Variants in FAM13A observed in about 807,000 individuals in gnomAD.
FAM13A encodes the protein protein FAM13A.
In FAM13A, 76 loss-of-function variants were observed where a neutral mutation model predicts 129.6. That is an observed-to-expected ratio of 0.59 (90% CI 0.49 to 0.71). The LOEUF (loss-of-function observed/expected upper bound fraction) is 0.71, where lower values mean the gene tolerates loss of function less well. FAM13A is among the 30% of genes least tolerant of loss of function. FAM13A has a pLI of 0.00. For missense variants in FAM13A, 1,108 were observed against 1,249.3 expected, an observed-to-expected ratio of 0.89 and a Z score of 1.70; for synonymous variants, 443 against 449.9, an observed-to-expected ratio of 0.98 and a Z score of 0.20.
At chr4:88,801,497 T>C (rs2149725699) in intron 8 of FAM13A, among the ~76,000 whole-genome samples, 2 of 152,262 alleles carry the variant, frequency 1.3e-5, no homozygotes, top group African/African-American at 4.8e-5. Flanking sequence ...TTTTAAAAGA[T>C]GGTCAATTCC....
At chr4:89,036,912 T>G (rs1769460082) in intron 1 of FAM13A, among the ~76,000 whole-genome samples, 1 of 152,216 alleles carries the variant, frequency 6.6e-6, no homozygotes, top group Admixed American at 6.5e-5. Context: ...AGGGCAAAAG[T>G]TGAGGCTTAG....
intron 11 of FAM13A, among the ~76,000 whole-genome samples, chr4:88,768,579 T>C (rs1298061850): frequency 6.6e-6 from 1 of 152,140 alleles, no homozygotes; most frequent in Non-Finnish European, 1.5e-5. Flanking sequence ...TATATGTATA[T>C]ACATATATAT....
intron 2 of FAM13A, among the ~76,000 whole-genome samples, chr4:89,022,561 G>A (rs905010023): frequency 1.3e-5 from 2 of 152,158 alleles, no homozygotes; most frequent in African/African-American, 2.4e-5. Context: ...TGGTCTGTGT[G>A]GCAGACAGCT....
chr4:88,733,468 C>G (rs1738310429), intron 21 of FAM13A, among the ~76,000 whole-genome samples: 1 of 151,356 alleles, frequency 6.6e-6, no homozygotes, highest in Admixed American at 6.6e-5. Context: ...GAATACGTTT[C>G]TTTTTGTTTT....
chr4:89,044,644 C>T lies in FAM13A; in HGVS notation c.27+12294G>A, dbSNP rs142268806. Among the ~76,000 whole-genome samples the T allele has an allele frequency of 2.0e-3, 309 of 152,096 alleles. 1 individual carries two copies. Among genetic ancestry groups the T allele is most frequent in the African/African-American group, 6.8e-3 (282 of 41,498 alleles). The stretch of plus-strand genomic sequence containing the variant: ...ACGATGTTCATAGCAGCATTATTCA[C>T]GACAGCCAAAAAGTAGAAACAATCT... On this transcript the variant is annotated intron_variant, in intron 1 of 23. Transcript: ENST00000264344.
At chr4:88,895,997 A>G (rs1475873511) in intron 6 of FAM13A, among the ~76,000 whole-genome samples, 255 of 148,018 alleles carry the variant, frequency 1.7e-3, no homozygotes, top group Middle Eastern at 0.01. Flanking sequence ...ACTATTCACA[A>G]TAGCAAAGAC....
At chr4:89,019,265 G>C (rs1302164207) in intron 3 of FAM13A, among the ~76,000 whole-genome samples, 1 of 152,134 alleles carries the variant, frequency 6.6e-6, no homozygotes, top group African/African-American at 2.4e-5. Context: ...CATGTGAATA[G>C]GTACACCACT....
chr4:88,779,059 C>T (rs1174295181), intron 11 of FAM13A, among the ~76,000 whole-genome samples: 1 of 151,978 alleles, frequency 6.6e-6, no homozygotes, highest in Non-Finnish European at 1.5e-5. Flanking sequence ...TTTTTTCTTT[C>T]TAGTTGTTAT....
intron 2 of FAM13A, among the ~76,000 whole-genome samples, chr4:89,026,018 AG>A (rs1368763720): frequency 8.5e-5 from 13 of 152,252 alleles, no homozygotes; most frequent in African/African-American, 2.9e-4. Context: ...ACACAATAAA[AG>A]TATGATCAAG....
At chr4:89,041,274 G>C (rs1770082604) in intron 1 of FAM13A, among the ~76,000 whole-genome samples, 1 of 152,148 alleles carries the variant, frequency 6.6e-6, no homozygotes, top group Admixed American at 6.5e-5. Context: ...AAATACTTGA[G>C]GTGATCAAGT....
At chr4:88,770,565 AAAAAGAAAT>A (rs1720467694) in intron 11 of FAM13A, among the ~76,000 whole-genome samples, 1 of 97,220 alleles carries the variant, frequency 1.0e-5, no homozygotes, top group African/African-American at 2.7e-5. Context: ...GCTTAAAAGA[AAAAAGAAAT>A]AAAATAAAAA....
At chr4:88,950,109 A>T (rs187660339) in intron 4 of FAM13A, among the ~76,000 whole-genome samples, 171 of 152,322 alleles carry the variant, frequency 1.1e-3, no homozygotes, top group African/African-American at 3.9e-3. Flanking sequence ...GTTTCAATCT[A>T]TTTTAGACAC....
At chr4:88,750,279 T>G in intron 15 of FAM13A, 145 bp downstream of exon 15, 1 of 681,222 alleles carries the variant, frequency 1.5e-6, no homozygotes, top group Non-Finnish European at 2.5e-6. Flanking sequence ...CAACATGGCC[T>G]GTGTCCTAGG....
chr4:88,751,346 T>A (rs1297063156), intron 14 of FAM13A, among the ~76,000 whole-genome samples: 1 of 151,544 alleles, frequency 6.6e-6, no homozygotes, highest in Non-Finnish European at 1.5e-5. Context: ...AACCGAGGAG[T>A]CAAGCTAAGG....
intron 1 of FAM13A, among the ~76,000 whole-genome samples, chr4:89,044,669 T>C (rs1770603590): frequency 6.6e-6 from 1 of 152,094 alleles, no homozygotes; most frequent in Admixed American, 6.5e-5. Context: ...AGAAACAATC[T>C]AAATTGTTTC....
chr4:88,978,543 C>A (rs762775826), intron 4 of FAM13A, among the ~76,000 whole-genome samples: 1 of 152,162 alleles, frequency 6.6e-6, no homozygotes, highest in Non-Finnish European at 1.5e-5. Context: ...GCCTGTAATC[C>A]CAGCTCTTTG....
At chr4:88,889,979 C>T (rs1049626675) in intron 6 of FAM13A, among the ~76,000 whole-genome samples, 6 of 152,154 alleles carry the variant, frequency 3.9e-5, no homozygotes, top group Non-Finnish European at 7.4e-5. Flanking sequence ...GAAACTGGAA[C>T]ATAGAGGCCA....
At chr4:88,963,390 C>T (rs781323980) in intron 4 of FAM13A, among the ~76,000 whole-genome samples, 20 of 150,846 alleles carry the variant, frequency 1.3e-4, no homozygotes, top group Non-Finnish European at 2.5e-4. Flanking sequence ...CTCCATCTCC[C>T]AGGTTCAAGC....
chr4:89,010,563 A>C (rs1235981437), intron 3 of FAM13A, among the ~76,000 whole-genome samples: 1 of 152,232 alleles, frequency 6.6e-6, no homozygotes, highest in Admixed American at 6.5e-5. Flanking sequence ...GATAGAAAAG[A>C]AAAGATTTGA....
Sources: gnomAD v4.1 joint callset for allele counts (sites outside exome capture counted in the v4.1 genomes callset) on GRCh38, gnomAD v4.1.1 for gene constraint, MANE v1.5 for transcripts, NCBI Gene and HGNC (gene_info 2026-07-23, HGNC 2026-07-21) for gene names.